The following EBF3 variants were observed in gnomAD, a reference collection of about 807,000 sequenced individuals.
The protein encoded by EBF3 is EBF transcription factor 3, also known as transcription factor COE3.
A neutral mutation model predicts 77.1 loss-of-function variants in EBF3; 18 were observed. The observed-to-expected ratio is 0.23, with a 90% CI of 0.16 to 0.35. The LOEUF (loss-of-function observed/expected upper bound fraction) is 0.35, where lower values mean the gene tolerates loss of function less well. Among genes scored for constraint, EBF3 ranks in the 10% least tolerant of loss-of-function variants. EBF3 has a pLI of 1.00. For synonymous variants in EBF3, 350 were observed against 343.5 expected (o/e 1.02, Z -0.21); for missense variants, 558 against 860.0 (o/e 0.65, Z 4.39).
chr10:129,924,924 G>A (rs978717567), intron 6 of EBF3, among the ~76,000 whole-genome samples: 5 of 152,072 alleles, frequency 3.3e-5, no homozygotes, highest in Non-Finnish European at 5.9e-5. Flanking sequence ...CCTACCTCCC[G>A]AAGCGCCGAG....
chr10:129,943,695 C>T lies in EBF3; in HGVS notation c.554+13563G>A, dbSNP rs1857962734. On this transcript the variant is annotated intron_variant, in intron 6 of 16. Transcript: ENST00000440978. The surrounding 1 kb of genome is among the most constrained non-coding windows in gnomAD (Gnocchi z 8.8). ...TTCAGACATTTTTTTTTTACCTCTG[C>T]TATGAATTAAAAGAATTGCTAGGAA... is the stretch of plus-strand genomic sequence containing the variant. Among the ~76,000 whole-genome samples the T allele has an allele frequency of 2.6e-5, 4 of 152,068 alleles. No individual in the cohort carries two copies. Among genetic ancestry groups the T allele is most frequent in the Admixed American group, 2.6e-4 (4 of 15,272 alleles).
At chr10:129,941,929 A>G (rs1164432601) in intron 6 of EBF3, among the ~76,000 whole-genome samples, 2 of 152,232 alleles carry the variant, frequency 1.3e-5, no homozygotes, top group African/African-American at 4.8e-5. Flanking sequence ...ACAAGGGATG[A>G]CACAGGGAGC....
intron 6 of EBF3, among the ~76,000 whole-genome samples, chr10:129,914,863 ACCCTCAGGGTC>A (rs1046530318): frequency 8.5e-5 from 13 of 152,112 alleles, no homozygotes; most frequent in African/African-American, 2.6e-4. Context: ...GCAATAAAAG[ACCCTCAGGGTC>A]CCCTAGGGCA....
rs898511174 is a variant in EBF3, at chr10:129,852,460, A to G, written c.1040-3980T>C. ...AGAGCAGCTCCAACCGGCCTGCTGCAATTAGAGACGTACCGGCGGGCAGGA... is the reference window on the plus strand; with the variant it reads ...AGAGCAGCTCCAACCGGCCTGCTGCGATTAGAGACGTACCGGCGGGCAGGA... On this transcript the variant is annotated intron_variant, in intron 10 of 16. Transcript: ENST00000440978. 2.6e-5 allele frequency among the ~76,000 whole-genome samples: 4 copies of G among 152,176 alleles called. No individual in the cohort carries two copies. The East Asian group carries it at 5.8e-4, about 22-fold the overall frequency.
intron 6 of EBF3, among the ~76,000 whole-genome samples, chr10:129,953,272 A>G (rs981813497): frequency 5.9e-5 from 9 of 152,144 alleles, no homozygotes; most frequent in South Asian, 2.1e-4. Flanking sequence ...TTAAGCAAAT[A>G]ATATTTCCCT....
chr10:129,958,828 C>G, intron 5 of EBF3, 106 bp downstream of exon 5: 1 of 1,399,026 alleles, frequency 7.1e-7, no homozygotes, highest in South Asian at 1.5e-5. Context: ...AATCGATGCC[C>G]TTCCCGGAGC....
intron 4 of EBF3, among the ~76,000 whole-genome samples, chr10:129,959,385 C>G (rs960095836): frequency 2.0e-5 from 3 of 152,018 alleles, no homozygotes; most frequent in African/African-American, 7.2e-5. Context: ...GCCCCTTCGG[C>G]ATTCCGCGCC....
rs562420258 is a variant in EBF3, at chr10:129,901,615, G to A, written c.555-23766C>T. Among the ~76,000 whole-genome samples the A allele has an allele frequency of 2.6e-5, 4 of 152,328 alleles. No homozygotes were observed. In the South Asian group the frequency reaches 8.3e-4, roughly 32 times the overall value. On this transcript the variant is annotated intron_variant, in intron 6 of 16. Coordinates refer to ENST00000440978, the MANE Select transcript of EBF3 (RefSeq NM_001375380.1). Reference sequence around the variant, plus strand: ...TGTAAATAGGTTTCGGCAGTTCTCAGTAAATAAAACAAAGACTGACAGGAG... The same window carrying A: ...TGTAAATAGGTTTCGGCAGTTCTCAATAAATAAAACAAAGACTGACAGGAG...
At chr10:129,927,456 T>TG (rs1334552032) in intron 6 of EBF3, among the ~76,000 whole-genome samples, 5 of 152,288 alleles carry the variant, frequency 3.3e-5, no homozygotes, top group East Asian at 3.9e-4. Flanking sequence ...CAGAAAGCCT[T>TG]GGGGCCCAGG....
At chr10:129,871,987 G>C (rs932046609) in intron 8 of EBF3, among the ~76,000 whole-genome samples, 1 of 152,164 alleles carries the variant, frequency 6.6e-6, no homozygotes, top group African/African-American at 2.4e-5. Flanking sequence ...ACCCACTAGT[G>C]GCCTTTATTT....
At chr10:129,847,098 G>T (rs1451583374) in intron 11 of EBF3, among the ~76,000 whole-genome samples, 1 of 152,126 alleles carries the variant, frequency 6.6e-6, no homozygotes. Flanking sequence ...CAGCGGGGAG[G>T]ACTGTGCTGT....
At chr10:129,872,646 C>T (rs866117603) in intron 8 of EBF3, among the ~76,000 whole-genome samples, 25 of 152,306 alleles carry the variant, frequency 1.6e-4, no homozygotes, top group African/African-American at 5.5e-4. Flanking sequence ...TAAAAAAACA[C>T]TCACATTACT....
intron 6 of EBF3, among the ~76,000 whole-genome samples, chr10:129,902,872 C>G (rs1409418725): frequency 6.6e-6 from 1 of 152,230 alleles, no homozygotes; most frequent in Non-Finnish European, 1.5e-5. Context: ...TCTGAGCCAG[C>G]TTCCGCCCAC....
rs555502464 is a variant in EBF3, at chr10:129,949,071, C to T, written c.554+8187G>A. On this transcript the variant is annotated intron_variant, in intron 6 of 16. Transcript: ENST00000440978. ...CCCAGCACTTTGGGAGGCCAAGGCC[C>T]GAGGATCACCTGAGGTCGGGAGTTC... Among the ~76,000 whole-genome samples, 5 of 152,136 alleles carry T rather than the reference C, an allele frequency of 3.3e-5. No homozygotes were observed. The South Asian group carries it at 8.3e-4, about 25-fold the overall frequency.
chr10:129,942,449 CACT>C (rs1857828768), intron 6 of EBF3, among the ~76,000 whole-genome samples: 2 of 152,210 alleles, frequency 1.3e-5, no homozygotes, highest in Admixed American at 1.3e-4. Flanking sequence ...TCAGTGTCAC[CACT>C]GTGTTCACCT....
chr10:129,889,355 G>A (rs1007178738), intron 6 of EBF3, among the ~76,000 whole-genome samples: 5 of 152,222 alleles, frequency 3.3e-5, no homozygotes, highest in Admixed American at 1.3e-4. Context: ...GGGCCTCAGC[G>A]GAAACCAGCA....
At chr10:129,860,304 G>A (rs1273055337) in intron 10 of EBF3, among the ~76,000 whole-genome samples, 2 of 151,796 alleles carry the variant, frequency 1.3e-5, no homozygotes, top group African/African-American at 4.8e-5. Flanking sequence ...AGCGGGACCA[G>A]AGGACCCACC....
chr10:129,885,317 T>G lies in EBF3; in HGVS notation c.555-7468A>C, dbSNP rs987967858. On this transcript the variant is annotated intron_variant, in intron 6 of 16. Coordinates refer to ENST00000440978, the MANE Select transcript of EBF3 (RefSeq NM_001375380.1). The surrounding 1 kb of genome is among the most constrained non-coding windows in gnomAD (Gnocchi z 4.0). The stretch of plus-strand genomic sequence containing the variant: ...ATTTGTATGACTCGCATTAAACTTT[T>G]CCGGGTGGTTTTAATGTGTTCAGAT... 6.6e-6 allele frequency among the ~76,000 whole-genome samples: 1 copy of G among 152,282 alleles called. No homozygotes were observed. The highest frequency in any genetic ancestry group is 1.9e-4 in the East Asian group (1 of 5,184).
At chr10:129,851,529 GA>G (rs747872993) in intron 10 of EBF3, among the ~76,000 whole-genome samples, 5 of 151,980 alleles carry the variant, frequency 3.3e-5, no homozygotes, top group African/African-American at 4.8e-5. Flanking sequence ...ACTGAAGGGG[GA>G]AAAAAACAAT....
Sources: allele counts gnomAD v4.1 joint callset (sites outside exome capture counted in the v4.1 genomes callset), GRCh38; gene constraint gnomAD v4.1.1; non-coding constraint Gnocchi (gnomAD v3.1); transcripts MANE v1.5; gene names NCBI Gene and HGNC (gene_info 2026-07-23, HGNC 2026-07-21).